The following MITF variants were observed in gnomAD, a reference collection of about 807,000 sequenced individuals.
MITF encodes melanocyte inducing transcription factor.
MITF carries 17 observed loss-of-function variants against 60.5 expected under a neutral mutation model. The observed-to-expected ratio is 0.28, with a 90% confidence interval of 0.19 to 0.42. The LOEUF (loss-of-function observed/expected upper bound fraction) is 0.42, where lower values mean the gene tolerates loss of function less well. Among genes scored for constraint, MITF ranks in the 10% least tolerant of loss-of-function variants. The probability of loss-of-function intolerance (pLI) is 1.00; values close to 1 mark genes in which losing one functional copy is unlikely to be tolerated. For synonymous variants in MITF, 260 were observed against 248.5 expected (o/e 1.05, Z -0.43); for missense variants, 622 against 683.5 (o/e 0.91, Z 1.00).
chr3:69,812,065 T>C (rs1479132204), intron 1 of MITF, among the ~76,000 whole-genome samples: 3 of 148,308 alleles, frequency 2.0e-5, no homozygotes, highest in African/African-American at 7.3e-5. Flanking sequence ...CCCAGATGCT[T>C]TGAGTAGAAC....
chr3:69,885,504 A>G (rs2064592416), intron 2 of MITF, among the ~76,000 whole-genome samples: 1 of 152,090 alleles, frequency 6.6e-6, no homozygotes, highest in African/African-American at 2.4e-5. Flanking sequence ...TCATGAGACC[A>G]GTAGAACGTG....
intron 2 of MITF, among the ~76,000 whole-genome samples, chr3:69,934,861 G>A (rs1336779328): frequency 1.3e-5 from 2 of 152,178 alleles, no homozygotes; most frequent in Non-Finnish European, 2.9e-5. Flanking sequence ...TTTGTGGGCC[G>A]AGGCTTGTAC....
chr3:69,752,911 C>A (rs1703987640), intron 1 of MITF, among the ~76,000 whole-genome samples: 1 of 152,180 alleles, frequency 6.6e-6, no homozygotes, highest in South Asian at 2.1e-4. Context: ...TTCCTGAGGC[C>A]TCCCCTGAAG....
intron 2 of MITF, among the ~76,000 whole-genome samples, chr3:69,927,808 C>T (rs1393778893): frequency 6.6e-6 from 1 of 152,176 alleles, no homozygotes; most frequent in Non-Finnish European, 1.5e-5. Context: ...TCACACATCA[C>T]CCCCACAACA....
intron 1 of MITF, among the ~76,000 whole-genome samples, chr3:69,778,289 A>G (rs1184226360): frequency 2.0e-5 from 3 of 152,134 alleles, no homozygotes; most frequent in Admixed American, 6.5e-5. Flanking sequence ...GGTAGAGTAG[A>G]TGGATGTTTA....
intron 1 of MITF, among the ~76,000 whole-genome samples, chr3:69,777,327 G>A (rs1249852205): frequency 2.0e-5 from 3 of 152,134 alleles, no homozygotes; most frequent in Non-Finnish European, 4.4e-5. Flanking sequence ...AAATGAATAA[G>A]TCCTGATTCC....
At chr3:69,871,914 TG>T (rs1265051443) in intron 1 of MITF, among the ~76,000 whole-genome samples, 1 of 152,218 alleles carries the variant, frequency 6.6e-6, no homozygotes, top group Non-Finnish European at 1.5e-5. Flanking sequence ...TGGAGCATCT[TG>T]CCATGCCGTA....
At chr3:69,782,591 G>A (rs1218343370) in intron 1 of MITF, among the ~76,000 whole-genome samples, 1 of 152,100 alleles carries the variant, frequency 6.6e-6, no homozygotes, top group Non-Finnish European at 1.5e-5. Flanking sequence ...CTAAACCCAA[G>A]CAGCATTACA....
intron 5 of MITF, among the ~76,000 whole-genome samples, chr3:69,947,986 C>T (rs1022519677): frequency 1.3e-5 from 2 of 152,198 alleles, no homozygotes; most frequent in African/African-American, 4.8e-5. Context: ...TTCTCAGTCA[C>T]TAAACACTTT....
chr3:69,953,415 A>G (rs1408698028), intron 7 of MITF, among the ~76,000 whole-genome samples: 1 of 152,044 alleles, frequency 6.6e-6, no homozygotes, highest in East Asian at 1.9e-4. Flanking sequence ...GAAGCAATCT[A>G]AAAGTCTCAG....
intron 6 of MITF, among the ~76,000 whole-genome samples, chr3:69,949,896 G>A (rs1177100209): frequency 6.6e-6 from 1 of 152,056 alleles, no homozygotes; most frequent in African/African-American, 2.4e-5. Flanking sequence ...CTTGCATCCT[G>A]CAGGATTGGA....
At chr3:69,750,337 A>G (rs535933428) in intron 1 of MITF, among the ~76,000 whole-genome samples, 1 of 150,886 alleles carries the variant, frequency 6.6e-6, no homozygotes, top group Admixed American at 6.6e-5. Flanking sequence ...CACAACAGTA[A>G]TATAGATCTG....
In MITF at chr3:69,964,947, T is replaced by C. The variant is rs2055006; in HGVS notation, c.1280T>C (p.Val427Ala). ...LVNRIIKQEPVLENCSQDLLQ... is the reference protein window; with the variant it reads ...LVNRIIKQEPALENCSQDLLQ... ...AATCGGATCATCAAGCAAGAACCCG[T>C]TCTTGAGAACTGCAGCCAAGACCTC... Residue 427 changes from valine to alanine, a missense_variant, in exon 10 of 10, where the codon GTT becomes GCT. This residue lies in a region of MITF where 224 missense variants were observed against 209.5 expected (regional missense o/e 1.07). Transcript: ENST00000352241. The C allele has an allele frequency of 2.6e-4, 420 of 1,614,072 alleles. 1 individual carries two copies. In the African/African-American group the frequency reaches 3.1e-3, roughly 12 times the overall value.
chr3:69,963,895 C>T (rs925302196), intron 9 of MITF, among the ~76,000 whole-genome samples: 3 of 151,818 alleles, frequency 2.0e-5, no homozygotes, highest in African/African-American at 7.3e-5. Flanking sequence ...ACATGGGGAC[C>T]TCAGTGCAAA....
chr3:69,965,332 G>C lies in MITF; in HGVS notation c.*84G>C. ...ATAACTTACCTGAAGGGGTTTTCTT[G>C]ATAATTTTCCTTTAATATGAAATTT... On this transcript the variant is annotated 3_prime_UTR_variant, in exon 10 of 10. Coordinates refer to ENST00000352241, the MANE Select transcript of MITF (RefSeq NM_001354604.2). 1 of 1,481,480 alleles carries C rather than the reference G, an allele frequency of 6.8e-7. No individual in the cohort carries two copies. 91.8% of individuals were successfully genotyped at this position (1,481,480 alleles called of 1,614,324 possible). A position where few individuals can be genotyped will look rare whatever the true frequency, so the allele number is the denominator to read the frequency against.
intron 1 of MITF, among the ~76,000 whole-genome samples, chr3:69,751,425 C>T (rs1703930164): frequency 1.3e-5 from 2 of 152,030 alleles, no homozygotes; most frequent in Admixed American, 6.5e-5. Flanking sequence ...TCATGAAGTA[C>T]AGACTGTGAG....
chr3:69,850,446 A>T (rs2063805935), intron 1 of MITF, among the ~76,000 whole-genome samples: 1 of 152,188 alleles, frequency 6.6e-6, no homozygotes, highest in African/African-American at 2.4e-5. Context: ...AATGCATATA[A>T]AATGCTTAGC....
intron 2 of MITF, among the ~76,000 whole-genome samples, chr3:69,934,500 C>A (rs183477751): frequency 6.6e-6 from 1 of 152,090 alleles, no homozygotes; most frequent in Non-Finnish European, 1.5e-5. Context: ...GTGCTAAGGC[C>A]GTTAGAAACA....
rs957119996 is a variant in MITF, at chr3:69,758,341, AT to A, written c.104+18650del. On this transcript the variant is annotated intron_variant, in intron 1 of 9. Coordinates refer to ENST00000352241, the MANE Select transcript of MITF (RefSeq NM_001354604.2). Reference sequence around the variant, plus strand: ...TACACCACCATGCCTGGCTAATTAAATTTTTTTTTTCTAAGGTTGGGATCTT... The same window carrying A: ...TACACCACCATGCCTGGCTAATTAAATTTTTTTTTCTAAGGTTGGGATCTT... 2.4e-4 allele frequency among the ~76,000 whole-genome samples: 35 copies of A among 148,586 alleles called. No individual in the cohort carries two copies. In the East Asian group the frequency reaches 5.5e-3, roughly 24 times the overall value.
Sources: gnomAD v4.1 joint callset for allele counts (sites outside exome capture counted in the v4.1 genomes callset) on GRCh38, gnomAD v4.1.1 for gene constraint, gnomAD v4.1.1 regional missense constraint, MANE v1.5 for transcripts, NCBI Gene and HGNC (gene_info 2026-07-23, HGNC 2026-07-21) for gene names.